ZFHX3: variants seen among roughly 807,000 people sequenced by gnomAD.
ZFHX3 encodes zinc finger homeobox 3.
A neutral mutation model predicts 279.1 loss-of-function variants in ZFHX3; 42 were observed. The observed-to-expected ratio is 0.15, with a 90% CI of 0.12 to 0.19. The LOEUF (loss-of-function observed/expected upper bound fraction) is 0.19, where lower values mean the gene tolerates loss of function less well. Ranked by LOEUF, ZFHX3 falls within the 10% of genes least tolerant of loss-of-function variation. The pLI is 1.00. For synonymous variants in ZFHX3, 2,293 were observed against 1,957.8 expected (o/e 1.17, Z -4.52); for missense variants, 4,981 against 4,754.0 (o/e 1.05, Z -1.40).
intron 1 of ZFHX3, among the ~76,000 whole-genome samples, chr16:73,855,614 C>A (rs1286754523): frequency 6.6e-6 from 1 of 152,142 alleles, no homozygotes; most frequent in East Asian, 1.9e-4. Context: ...ATTAATGCAA[C>A]TTTATAGACA....
At chr16:73,315,025 T>C (rs970467683) in intron 4 of ZFHX3, among the ~76,000 whole-genome samples, 1 of 152,220 alleles carries the variant, frequency 6.6e-6, no homozygotes, top group Admixed American at 6.5e-5. Context: ...GTCAGGAGTT[T>C]GATACCAGAC....
At chr16:72,850,479 G>A (rs1597308764) in intron 4 of ZFHX3, among the ~76,000 whole-genome samples, 1 of 152,320 alleles carries the variant, frequency 6.6e-6, no homozygotes, top group African/African-American at 2.4e-5. Context: ...CTGTAGAGTC[G>A]AAGTTGGGGA....
intron 2 of ZFHX3, among the ~76,000 whole-genome samples, chr16:72,955,928 A>C (rs529550542): frequency 1.3e-5 from 2 of 152,316 alleles, no homozygotes; most frequent in Admixed American, 1.3e-4. Flanking sequence ...ACTGGCTTAA[A>C]GAAAACCTTA....
chr16:73,813,707 C>A (rs1229783243), intron 1 of ZFHX3: 1 of 152,218 alleles, frequency 6.6e-6, no homozygotes, highest in Non-Finnish European at 1.5e-5. Flanking sequence ...CGGAAATCTG[C>A]CTTGCTAGCC....
chr16:73,093,165 C>T (rs777222006), intron 8 of ZFHX3: 2 of 519,986 alleles, frequency 3.8e-6, no homozygotes, highest in South Asian at 1.4e-5. Flanking sequence ...GCCCTCACCT[C>T]CAGCAGAGGT....
intron 7 of ZFHX3, among the ~76,000 whole-genome samples, chr16:73,115,472 C>T (rs1443228055): frequency 3.3e-5 from 5 of 151,594 alleles, no homozygotes; most frequent in Admixed American, 6.6e-5. Context: ...ATTGCTTGAA[C>T]CTGGGAGGTC....
At chr16:73,129,788 T>C (rs1966643610) in intron 7 of ZFHX3, among the ~76,000 whole-genome samples, 1 of 152,040 alleles carries the variant, frequency 6.6e-6, no homozygotes, top group Admixed American at 6.6e-5. Context: ...ACCGATATTT[T>C]GGGTATGGGC....
chr16:73,047,801 G>T lies in ZFHX3; in HGVS notation c.-99C>A, dbSNP rs1469167221. ...CTCCGGAGGGAGGCGGCACTTGCAG[G>T]TCCGGGGGCCGCGCCGCCATGCGCA... is the stretch of plus-strand genomic sequence containing the variant. On this transcript the variant is annotated 5_prime_UTR_variant, in exon 1 of 10. Coordinates refer to ENST00000268489, the MANE Select transcript of ZFHX3 (RefSeq NM_006885.4). 6.6e-6 allele frequency: 1 copy of T among 152,404 alleles called. No homozygotes were observed. Among genetic ancestry groups the T allele is most frequent in the Non-Finnish European group, 1.5e-5 (1 of 68,230 alleles). The allele number at this position is 152,404 out of a possible 1,614,324, so 9.4% of individuals were successfully genotyped here.
chr16:73,177,887 T>C (rs927581457), intron 5 of ZFHX3, among the ~76,000 whole-genome samples: 2 of 152,180 alleles, frequency 1.3e-5, no homozygotes, highest in Non-Finnish European at 2.9e-5. Context: ...TGACAATTAG[T>C]TGTGGAGGCG....
chr16:73,502,401 C>T (rs970798394), intron 2 of ZFHX3, among the ~76,000 whole-genome samples: 2 of 152,162 alleles, frequency 1.3e-5, no homozygotes, highest in African/African-American at 4.8e-5. Flanking sequence ...AACTCCTTGC[C>T]CCAGTAATTG....
At chr16:73,097,023 C>G (rs1261132697) in intron 7 of ZFHX3, among the ~76,000 whole-genome samples, 1 of 151,874 alleles carries the variant, frequency 6.6e-6, no homozygotes. Context: ...CATCTCTTCT[C>G]TTCTCTTTCT....
chr16:73,475,771 T>A (rs775815390), intron 2 of ZFHX3, among the ~76,000 whole-genome samples: 17 of 152,162 alleles, frequency 1.1e-4, no homozygotes, highest in Non-Finnish European at 2.4e-4. Flanking sequence ...ATTTTCTATT[T>A]TTTCAGATTA....
intron 1 of ZFHX3, among the ~76,000 whole-genome samples, chr16:73,752,604 G>T (rs1178797119): frequency 6.6e-6 from 1 of 152,092 alleles, no homozygotes; most frequent in Non-Finnish European, 1.5e-5. Context: ...AACACTCCCA[G>T]AGCTGAGTCT....
chr16:73,818,431 T>G lies in ZFHX3; in HGVS notation c.-1608+73220A>C, dbSNP rs1034844758. 2.0e-5 allele frequency among the ~76,000 whole-genome samples: 3 copies of G among 152,198 alleles called. No homozygotes were observed. In the East Asian group the frequency reaches 5.8e-4, roughly 29 times the overall value. ...ATGGATTTCACGCTAAGCAATTTGA[T>G]GTACAAATGGCATATATGAGAGGTC... On this transcript the variant is annotated intron_variant, in intron 1 of 17. Coordinates refer to the ZFHX3 transcript ENST00000641206.
intron 1 of ZFHX3, among the ~76,000 whole-genome samples, chr16:73,862,785 A>G (rs545079324): frequency 6.6e-6 from 1 of 152,124 alleles, no homozygotes; most frequent in East Asian, 2.0e-4. Flanking sequence ...CAATCAATCA[A>G]TCAATCAATG....
intron 4 of ZFHX3, among the ~76,000 whole-genome samples, chr16:73,284,766 T>C (rs2014551798): frequency 6.6e-6 from 1 of 152,232 alleles, no homozygotes; most frequent in Non-Finnish European, 1.5e-5. Context: ...TTCTATTTTT[T>C]CAATATTATG....
chr16:72,864,858 C>A (rs1015989469), intron 4 of ZFHX3, among the ~76,000 whole-genome samples: 1 of 152,178 alleles, frequency 6.6e-6, no homozygotes, highest in African/African-American at 2.4e-5. Context: ...CTAGCGCAAT[C>A]TAATGGAAGT....
chr16:73,164,906 A>G (rs893746884), intron 5 of ZFHX3, among the ~76,000 whole-genome samples: 1 of 152,188 alleles, frequency 6.6e-6, no homozygotes, highest in African/African-American at 2.4e-5. Flanking sequence ...ACTTGAGGTT[A>G]GACAGCTAAT....
At chr16:73,819,817 T>G (rs965134960) in intron 1 of ZFHX3, among the ~76,000 whole-genome samples, 4 of 152,140 alleles carry the variant, frequency 2.6e-5, no homozygotes, top group Non-Finnish European at 5.9e-5. Context: ...AATGGACTAA[T>G]GCCAGAGTTG....
Sources: gnomAD v4.1 joint callset for allele counts (sites outside exome capture counted in the v4.1 genomes callset) on GRCh38, gnomAD v4.1.1 for gene constraint, MANE v1.5 for transcripts, NCBI Gene and HGNC (gene_info 2026-07-23, HGNC 2026-07-21) for gene names.